Variants in KCNJ6 observed in about 807,000 individuals in gnomAD.
KCNJ6 encodes the protein G protein-activated inward rectifier potassium channel 2.
In KCNJ6, 9 loss-of-function variants were observed where a neutral mutation model predicts 34.2. The ratio of observed to expected loss-of-function variants is 0.26; its 90% CI spans 0.16 to 0.46. The LOEUF is 0.46. Ranked by LOEUF, KCNJ6 falls within the 20% of genes least tolerant of loss-of-function variation. The probability of loss-of-function intolerance (pLI) is 1.00; values close to 1 mark genes in which losing one functional copy is unlikely to be tolerated. For synonymous variants in KCNJ6, 196 were observed against 207.1 expected (o/e 0.95, Z 0.46); for missense variants, 236 against 531.3 (o/e 0.44, Z 5.46).
chr21:37,899,177 T>C (rs1375860978), intron 1 of KCNJ6, among the ~76,000 whole-genome samples: 2 of 152,210 alleles, frequency 1.3e-5, no homozygotes, highest in African/African-American at 4.8e-5. Flanking sequence ...AAATGTGATT[T>C]TGAGTTTCTC....
chr21:37,780,364 C>T (rs897380452), intron 2 of KCNJ6, among the ~76,000 whole-genome samples: 16 of 152,120 alleles, frequency 1.1e-4, no homozygotes, highest in African/African-American at 3.6e-4. Context: ...GGCAGTGAAA[C>T]CCTTTTGTAT....
chr21:37,668,596 T>C (rs1459397738), intron 3 of KCNJ6, among the ~76,000 whole-genome samples: 18 of 152,258 alleles, frequency 1.2e-4, no homozygotes, highest in Non-Finnish European at 5.9e-5. Context: ...CATAGGCAGA[T>C]TGGGAGATAC....
chr21:37,693,898 C>T (rs947274408), intron 3 of KCNJ6, among the ~76,000 whole-genome samples: 2 of 150,868 alleles, frequency 1.3e-5, no homozygotes, highest in African/African-American at 4.9e-5. Flanking sequence ...CTTCCATGTG[C>T]CCACTATCTT....
At chr21:37,628,881 A>G (rs1015078518) in intron 3 of KCNJ6, among the ~76,000 whole-genome samples, 2 of 152,198 alleles carry the variant, frequency 1.3e-5, no homozygotes, top group Non-Finnish European at 2.9e-5. Flanking sequence ...AGGCCATGAG[A>G]AGACATTATT....
intron 1 of KCNJ6, among the ~76,000 whole-genome samples, chr21:37,888,672 T>A (rs193237883): frequency 7.2e-5 from 11 of 152,290 alleles, no homozygotes; most frequent in African/African-American, 2.6e-4. Flanking sequence ...GGAGACCTGG[T>A]GGGGCAGGAG....
At chr21:37,849,455 G>C (rs1167802898) in intron 1 of KCNJ6, among the ~76,000 whole-genome samples, 2 of 152,176 alleles carry the variant, frequency 1.3e-5, no homozygotes, top group Non-Finnish European at 2.9e-5. Flanking sequence ...GGGAACAGAT[G>C]CCATATTAGT....
At chr21:37,829,106 G>C (rs963308629) in intron 2 of KCNJ6, among the ~76,000 whole-genome samples, 1 of 152,098 alleles carries the variant, frequency 6.6e-6, no homozygotes, top group South Asian at 2.1e-4. Context: ...TGTTACCAGA[G>C]GTTGATGGGA....
chr21:37,869,320 T>C lies in KCNJ6; in HGVS notation c.-27-28611A>G, dbSNP rs78875505. ...GCTAACAGTTATTGAGCACCTACTG[T>C]ATGCCAAGCATTCCTTTCTGGGTAA... On this transcript the variant is annotated intron_variant, in intron 1 of 3. Transcript: ENST00000609713. Among the ~76,000 whole-genome samples, 791 of 152,374 alleles carry C rather than the reference T, an allele frequency of 5.2e-3. 3 individuals are homozygous for C. The highest frequency in any genetic ancestry group is 0.018 in the African/African-American group (759 of 41,594).
chr21:37,649,613 C>T (rs953341781), intron 3 of KCNJ6, among the ~76,000 whole-genome samples: 17 of 152,196 alleles, frequency 1.1e-4, no homozygotes, highest in African/African-American at 3.9e-4. Flanking sequence ...CTAGGCTGTG[C>T]CTTGCTGACA....
At chr21:37,776,517 C>T (rs1324332340) in intron 2 of KCNJ6, among the ~76,000 whole-genome samples, 7 of 152,162 alleles carry the variant, frequency 4.6e-5, no homozygotes, top group South Asian at 4.2e-4. Context: ...TTTTGAGATA[C>T]GTCCCATCAA....
intron 1 of KCNJ6, among the ~76,000 whole-genome samples, chr21:37,913,307 T>A (rs2055875762): frequency 6.6e-6 from 1 of 152,194 alleles, no homozygotes; most frequent in Non-Finnish European, 1.5e-5. Flanking sequence ...TCCTTGTTTG[T>A]ATTAAGAGAA....
intron 2 of KCNJ6, among the ~76,000 whole-genome samples, chr21:37,730,250 G>T (rs2032090): frequency 0.35 from 53,765 of 152,070 alleles, 9,775 homozygotes; most frequent in South Asian, 0.44. Flanking sequence ...AGGGTGAAAT[G>T]TCCACCTTGC....
chr21:37,915,548 C>T (rs1220419706), intron 1 of KCNJ6, among the ~76,000 whole-genome samples: 4 of 152,232 alleles, frequency 2.6e-5, no homozygotes, highest in African/African-American at 9.6e-5. Flanking sequence ...GTCAGTTAAT[C>T]AGTGCATTTA....
intron 2 of KCNJ6, among the ~76,000 whole-genome samples, chr21:37,747,145 G>C (rs572218829): frequency 1.8e-4 from 27 of 152,310 alleles, no homozygotes; most frequent in African/African-American, 6.3e-4. Flanking sequence ...GCCCTGCCAG[G>C]GTTCAGCAGA....
rs1483760570 is a variant in KCNJ6, at chr21:37,616,027, G to C, written c.*9132C>G. On this transcript the variant is annotated 3_prime_UTR_variant, in exon 4 of 4. Coordinates refer to ENST00000609713, the MANE Select transcript of KCNJ6 (RefSeq NM_002240.5). The stretch of plus-strand genomic sequence containing the variant: ...CGTGCGGAGGGAGCTCCTGTGTGCT[G>C]GGTCCTACTCCACATTACCTTGGGT... The C allele has an allele frequency of 6.6e-6, 1 of 152,176 alleles. No individual in the cohort carries two copies. Among genetic ancestry groups the C allele is most frequent in the African/African-American group, 2.4e-5 (1 of 41,438 alleles). The allele number at this position is 152,176 out of a possible 1,614,324, so 9.4% of individuals were successfully genotyped here. A position where few individuals can be genotyped will look rare whatever the true frequency, so the allele number is the denominator to read the frequency against.
intron 2 of KCNJ6, among the ~76,000 whole-genome samples, chr21:37,755,919 A>C (rs1278648610): frequency 6.6e-6 from 1 of 152,238 alleles, no homozygotes; most frequent in Non-Finnish European, 1.5e-5. Context: ...TGAGTGCTAA[A>C]TGCGGAATGC....
chr21:37,710,502 T>C (rs2835906), intron 3 of KCNJ6, among the ~76,000 whole-genome samples: 77,698 of 152,050 alleles, frequency 0.51, 21,408 homozygotes, highest in African/African-American at 0.74. Context: ...TCAAAAGAAG[T>C]GTAAAATAAC....
intron 2 of KCNJ6, among the ~76,000 whole-genome samples, chr21:37,754,994 T>C (rs919213063): frequency 3.9e-5 from 6 of 152,142 alleles, no homozygotes; most frequent in Non-Finnish European, 5.9e-5. Context: ...GGTAGCAAAA[T>C]GACAAACTCT....
chr21:37,741,136 G>T (rs759435377), intron 2 of KCNJ6, among the ~76,000 whole-genome samples: 5 of 152,154 alleles, frequency 3.3e-5, no homozygotes, highest in African/African-American at 4.8e-5. Context: ...CTGTCATATT[G>T]ACTTGCTTGC....
Sources: allele counts gnomAD v4.1 joint callset (sites outside exome capture counted in the v4.1 genomes callset), GRCh38; gene constraint gnomAD v4.1.1; transcripts MANE v1.5; gene names NCBI Gene and HGNC (gene_info 2026-07-23, HGNC 2026-07-21).